The following SCFD2 variants were observed in gnomAD, a reference collection of about 807,000 sequenced individuals.
The protein encoded by SCFD2 is sec1 family domain-containing protein 2.
In SCFD2, 54 loss-of-function variants were observed where a neutral mutation model predicts 58.9. The observed-to-expected ratio is 0.92, with a 90% confidence interval of 0.74 to 1.15. SCFD2 has a LOEUF of 1.15. SCFD2 is among the 50% of genes most tolerant of loss of function. SCFD2 has a pLI of 0.00. For synonymous variants in SCFD2, 321 were observed against 335.9 expected (o/e 0.96, Z 0.49); for missense variants, 805 against 836.6 (o/e 0.96, Z 0.47).
At chr4:52,980,236 C>T (rs773642726) in intron 5 of SCFD2, among the ~76,000 whole-genome samples, 17 of 152,274 alleles carry the variant, frequency 1.1e-4, no homozygotes, top group Middle Eastern at 3.4e-3. Context: ...CACAATGCTA[C>T]CCAAGCATTT....
At chr4:53,092,298 G>GA (rs1471488621) in intron 5 of SCFD2, among the ~76,000 whole-genome samples, 1 of 152,104 alleles carries the variant, frequency 6.6e-6, no homozygotes, top group African/African-American at 2.4e-5. Context: ...CATCTTGTAA[G>GA]AAAAAAATTT....
At chr4:52,932,874 C>T (rs369067277) in intron 5 of SCFD2, among the ~76,000 whole-genome samples, 3 of 152,186 alleles carry the variant, frequency 2.0e-5, no homozygotes, top group South Asian at 2.1e-4. Flanking sequence ...AAATGAGGCC[C>T]CTTATCTATC....
intron 5 of SCFD2, among the ~76,000 whole-genome samples, chr4:53,086,747 G>T (rs771348932): frequency 6.6e-6 from 1 of 152,178 alleles, no homozygotes; most frequent in Non-Finnish European, 1.5e-5. Flanking sequence ...GGATGGAATT[G>T]GAGGTCATTA....
At chr4:53,169,050 T>A (rs1258199112) in intron 4 of SCFD2, among the ~76,000 whole-genome samples, 4 of 152,236 alleles carry the variant, frequency 2.6e-5, no homozygotes, top group Non-Finnish European at 4.4e-5. Flanking sequence ...GGTTCATCCA[T>A]GTTGTCGCAA....
At position 53,182,978 on chromosome 4, in the gene SCFD2, C is replaced by T. The variant is rs183089817; in HGVS notation, c.1312-37396G>A. 2.7e-3 allele frequency among the ~76,000 whole-genome samples: 414 copies of T among 152,144 alleles called. 2 individuals are homozygous for T. The highest frequency in any genetic ancestry group is 0.01 in the Middle Eastern group (3 of 294). On this transcript the variant is annotated intron_variant, in intron 4 of 8. Transcript: ENST00000401642. ...TACCATCACACCCCAGTTAGAATGG[C>T]GATCATTAAAAAGTCAGGAAACAAC...
Position 53,213,183 on chromosome 4 carries a change from A to G in SCFD2, c.1311+60643T>C, listed in dbSNP as rs529870263. On this transcript the variant is annotated intron_variant, in intron 4 of 8. Transcript: ENST00000401642. ...AAAGTTTAATGTCTAAAGAAAGTCC[A>G]GTTGCATATAAGACTTTAAATACAA... 2.0e-5 allele frequency among the ~76,000 whole-genome samples: 3 copies of G among 152,282 alleles called. No homozygotes were observed. The South Asian group carries it at 6.2e-4, about 32-fold the overall frequency.
At chr4:53,238,078 TG>T (rs1729723869) in intron 4 of SCFD2, among the ~76,000 whole-genome samples, 20 of 78,172 alleles carry the variant, frequency 2.6e-4, no homozygotes, top group South Asian at 5.1e-4. Flanking sequence ...CCCTCCCGGA[TG>T]GGGCGGCTGG....
chr4:53,062,467 TAGACAAC>T, intron 5 of SCFD2, among the ~76,000 whole-genome samples: 1 of 152,300 alleles, frequency 6.6e-6, no homozygotes, highest in African/African-American at 2.4e-5. Flanking sequence ...TACTTCCTTG[TAGACAAC>T]AGTTGATTTA....
At chr4:53,060,734 T>C (rs1723486486) in intron 5 of SCFD2, among the ~76,000 whole-genome samples, 2 of 151,898 alleles carry the variant, frequency 1.3e-5, no homozygotes, top group East Asian at 1.9e-4. Context: ...TTTTTGAAAG[T>C]ATAATTAAAA....
At chr4:53,340,535 C>A (rs775609339) in intron 2 of SCFD2, among the ~76,000 whole-genome samples, 2 of 152,206 alleles carry the variant, frequency 1.3e-5, no homozygotes, top group Non-Finnish European at 2.9e-5. Flanking sequence ...CCTCTGGGGA[C>A]AGGGCATAGC....
intron 1 of SCFD2, 143 bp from the exon 2 acceptor site, chr4:53,352,909 C>T: frequency 1.5e-6 from 1 of 685,822 alleles, no homozygotes; most frequent in South Asian, 1.8e-5. Flanking sequence ...GCCCTTCATA[C>T]AGCTAATCAC....
intron 4 of SCFD2, among the ~76,000 whole-genome samples, chr4:53,207,140 T>C (rs12640471): frequency 0.082 from 12,449 of 151,798 alleles, 740 homozygotes; most frequent in East Asian, 0.24. Flanking sequence ...GCTCCCATGA[T>C]AATACATTAA....
At chr4:52,887,697 C>G (rs1718770857) in intron 7 of SCFD2, among the ~76,000 whole-genome samples, 1 of 152,094 alleles carries the variant, frequency 6.6e-6, no homozygotes, top group Non-Finnish European at 1.5e-5. Flanking sequence ...GGCTTCACCT[C>G]CAGCAAGGAG....
chr4:53,254,384 A>G (rs1370377947), intron 4 of SCFD2, among the ~76,000 whole-genome samples: 1 of 152,136 alleles, frequency 6.6e-6, no homozygotes, highest in African/African-American at 2.4e-5. Context: ...CCCTGTGAAG[A>G]AGATGCCTGC....
At chr4:53,029,805 G>T (rs545640573) in intron 5 of SCFD2, among the ~76,000 whole-genome samples, 1 of 152,266 alleles carries the variant, frequency 6.6e-6, no homozygotes, top group South Asian at 2.1e-4. Flanking sequence ...CTAACACTTT[G>T]TACCTTATAG....
At chr4:52,989,961 C>A (rs1721582336) in intron 5 of SCFD2, among the ~76,000 whole-genome samples, 1 of 152,220 alleles carries the variant, frequency 6.6e-6, no homozygotes, top group Non-Finnish European at 1.5e-5. Context: ...TCCCTCCCAT[C>A]CTTCATGCCT....
chr4:53,001,522 G>A (rs778703979), intron 5 of SCFD2, among the ~76,000 whole-genome samples: 3 of 152,138 alleles, frequency 2.0e-5, no homozygotes, highest in African/African-American at 7.2e-5. Flanking sequence ...CAACTATGTT[G>A]CATGGCGACA....
rs549386680 is a variant in SCFD2, at chr4:53,056,728, G to C, written c.1561+88605C>G. On this transcript the variant is annotated intron_variant, in intron 5 of 8. Transcript: ENST00000401642. ...TTTAGCCACCAATAACTTATGTTTCGACATCCCCCACTCTTCAGTTTTAGA... is the reference window on the plus strand; with the variant it reads ...TTTAGCCACCAATAACTTATGTTTCCACATCCCCCACTCTTCAGTTTTAGA... Among the ~76,000 whole-genome samples the C allele has an allele frequency of 3.3e-5, 5 of 152,094 alleles. No individual in the cohort carries two copies. The East Asian group carries it at 7.7e-4, about 24-fold the overall frequency.
intron 5 of SCFD2, among the ~76,000 whole-genome samples, chr4:52,933,985 T>C (rs936700284): frequency 1.3e-5 from 2 of 152,198 alleles, no homozygotes; most frequent in African/African-American, 4.8e-5. Flanking sequence ...GTTGGTGACA[T>C]GCCTTTGGAA....
Sources: gnomAD v4.1 joint callset for allele counts (sites outside exome capture counted in the v4.1 genomes callset) on GRCh38, gnomAD v4.1.1 for gene constraint, MANE v1.5 for transcripts, NCBI Gene and HGNC (gene_info 2026-07-23, HGNC 2026-07-21) for gene names.